RASL10B: variants seen among roughly 807,000 people sequenced by gnomAD.
The protein encoded by RASL10B is RAS like family 10 member B.
Under a neutral mutation model 20.7 loss-of-function variants are expected in RASL10B, and 10 were observed. The observed-to-expected ratio is 0.48, with a 90% CI of 0.30 to 0.82. RASL10B has a LOEUF of 0.82. Among genes scored for constraint, RASL10B ranks in the 40% least tolerant of loss-of-function variants. The probability of loss-of-function intolerance (pLI) is 0.07; values close to 1 mark genes in which losing one functional copy is unlikely to be tolerated. For missense variants in RASL10B, 231 were observed against 295.4 expected, an observed-to-expected ratio of 0.78 and a Z score of 1.60; for synonymous variants, 110 against 123.3, an observed-to-expected ratio of 0.89 and a Z score of 0.72.
At chr17:35,734,600 G>A (rs1196415854) in intron 1 of RASL10B, among the ~76,000 whole-genome samples, 1 of 152,156 alleles carries the variant, frequency 6.6e-6, no homozygotes, top group Non-Finnish European at 1.5e-5. Context: ...GTCCTGCAAT[G>A]TGTGGGCAGT....
In RASL10B at chr17:35,741,314, C is replaced by A. The variant is rs1555597934; in HGVS notation, c.*9C>A. 2 of 1,464,440 alleles carry A rather than the reference C, an allele frequency of 1.4e-6. No homozygotes were observed. The highest frequency in any genetic ancestry group is 2.7e-5 in the South Asian group (2 of 73,492). 90.7% of individuals were successfully genotyped at this position (1,464,440 alleles called of 1,614,324 possible). On this transcript the variant is annotated 3_prime_UTR_variant, in exon 4 of 4. Transcript: ENST00000603017. ...GCTGCGCCATCATGTGACGCCTGCG[C>A]GCCCCTCGGGCTGCACCGGCACTGG... is the stretch of plus-strand genomic sequence containing the variant.
At chr17:35,739,690 G>A (rs1191733636) in intron 2 of RASL10B, among the ~76,000 whole-genome samples, 1 of 152,240 alleles carries the variant, frequency 6.6e-6, no homozygotes, top group Non-Finnish European at 1.5e-5. Context: ...TCAGGTAGCA[G>A]TCTAAGGGCA....
rs373777540 is a variant in RASL10B at position 35,741,206 on chromosome 17, C to A, written c.513C>A (p.Ser171Arg). 1.7e-5 allele frequency: 27 copies of A among 1,612,794 alleles called. No homozygotes were observed. The highest frequency in any genetic ancestry group is 2.2e-5 in the Non-Finnish European group (26 of 1,179,924). Residue 171 changes from serine (S) to arginine (R), a missense_variant, in exon 4 of 4, where the codon AGC becomes AGA. By Grantham distance (110) the Ser-to-Arg change is moderately radical. Coordinates refer to ENST00000603017, the MANE Select transcript of RASL10B (RefSeq NM_033315.4). Reference sequence around the variant, plus strand: ...ACTGGCACATCCTGCTGCTCTTCAGCGAGCTGCTCAAGAGCGTCGGCTGCG... The same window carrying A: ...ACTGGCACATCCTGCTGCTCTTCAGAGAGCTGCTCAAGAGCGTCGGCTGCG... ...KYNWHILLLF[S>R]ELLKSVGCAR...
chr17:35,741,048 T>C lies in RASL10B; in HGVS notation c.355T>C (p.Ser119Pro), dbSNP rs1568093786. ...CTCGCCCCACAGGGTGATCGGAACC[T>C]CAGAGACGCCCATCATCATCGTGGG... ...QILETRVIGT[S>P]ETPIIIVGNK... Residue 119 changes from serine to proline, a missense_variant, in exon 4 of 4, where the codon TCA becomes CCA. Physicochemically the swap from Ser to Pro is moderately conservative, Grantham distance 74. Coordinates refer to ENST00000603017, the MANE Select transcript of RASL10B (RefSeq NM_033315.4). 2 of 1,604,742 alleles carry C rather than the reference T, an allele frequency of 1.2e-6. No individual in the cohort carries two copies. The highest frequency in any genetic ancestry group is 1.7e-5 in the Admixed American group (1 of 59,760).
chr17:35,735,062 C>A lies in RASL10B; in HGVS notation c.-123C>A. On this transcript the variant is annotated 5_prime_UTR_variant, in exon 2 of 4. Transcript: ENST00000603017. The surrounding 1 kb of genome is among the most constrained non-coding windows in gnomAD (Gnocchi z 6.7). ...GTCCAGGTGGAGGCCGCAGAGGGCC[C>A]AGGGCAAGCAGAGGCAGCAATGGTT... 1 of 1,012,288 alleles carries A rather than the reference C, an allele frequency of 9.9e-7. No individual in the cohort carries two copies. The highest frequency in any genetic ancestry group is 1.5e-6 in the Non-Finnish European group (1 of 667,560). The allele number at this position is 1,012,288 out of a possible 1,614,324, so 62.7% of individuals were successfully genotyped here.
chr17:35,740,282 T>G, intron 2 of RASL10B, 127 bp from the exon 3 acceptor site: 3 of 1,205,630 alleles, frequency 2.5e-6, no homozygotes, highest in Non-Finnish European at 2.3e-6. Context: ...CTCCTGGGGA[T>G]GGTCGGGTAT....
chr17:35,738,632 T>C (rs2085609798), intron 2 of RASL10B, among the ~76,000 whole-genome samples: 1 of 152,184 alleles, frequency 6.6e-6, no homozygotes, highest in Non-Finnish European at 1.5e-5. Context: ...TTCTCTGTCT[T>C]GACAGAGCCC....
chr17:35,736,180 T>G (rs2143019678), intron 2 of RASL10B, among the ~76,000 whole-genome samples: 1 of 152,286 alleles, frequency 6.6e-6, no homozygotes, highest in East Asian at 1.9e-4. Context: ...CCTCTTGCCC[T>G]CTCTCAACCT....
In RASL10B at chr17:35,741,587, A is replaced by T. The variant is rs1414404090; in HGVS notation, c.*282A>T. 2 of 399,092 alleles carry T rather than the reference A, an allele frequency of 5.0e-6. No individual in the cohort carries two copies. The highest frequency in any genetic ancestry group is 4.3e-6 in the Non-Finnish European group (1 of 230,322). The allele number at this position is 399,092 out of a possible 1,614,324, so 24.7% of individuals were successfully genotyped here. ...CGCGGGGGTGCCACAGCCTTTTGGG[A>T]TGGGGGTGAGCGTGCAATGGAGGCT... On this transcript the variant is annotated 3_prime_UTR_variant, in exon 4 of 4. Coordinates refer to ENST00000603017, the MANE Select transcript of RASL10B (RefSeq NM_033315.4).
chr17:35,740,989 G>A, intron 3 of RASL10B, 46 bp from the exon 4 acceptor site: 1 of 1,503,370 alleles, frequency 6.7e-7, no homozygotes, highest in Non-Finnish European at 9.1e-7. Context: ...GGAGTACAGC[G>A]GTTGTGGGGC....
chr17:35,740,005 G>A (rs151030189), intron 2 of RASL10B, among the ~76,000 whole-genome samples: 3 of 152,296 alleles, frequency 2.0e-5, no homozygotes, highest in African/African-American at 7.2e-5. Flanking sequence ...TCTTGGAGGT[G>A]GTGGCACTTT....
chr17:35,739,535 G>C (rs1017357869), intron 2 of RASL10B, among the ~76,000 whole-genome samples: 1 of 152,188 alleles, frequency 6.6e-6, no homozygotes, highest in African/African-American at 2.4e-5. Context: ...CCAATCCCTT[G>C]AGAAGTTGCC....
intron 1 of RASL10B, among the ~76,000 whole-genome samples, chr17:35,733,966 C>A (rs587755126): frequency 6.6e-6 from 1 of 152,322 alleles, no homozygotes; most frequent in Admixed American, 6.5e-5. Context: ...GAGAATCAGA[C>A]CCAGACCTTG....
rs1336192079 is a variant in RASL10B, at chr17:35,743,262, T to TG, written c.*1964dup. 5.2e-5 allele frequency: 8 copies of TG among 152,694 alleles called. No homozygotes were observed. Among genetic ancestry groups the TG allele is most frequent in the Admixed American group, 6.5e-5 (1 of 15,294 alleles). The allele number at this position is 152,694 out of a possible 1,614,324, so 9.5% of individuals were successfully genotyped here. A position where few individuals can be genotyped will look rare whatever the true frequency, so the allele number is the denominator to read the frequency against. ...ATCACCAACTCTGAGGCACCTGGGG[T>TG]GGGGGGGCGGAGCCCAGGCCTCTGG... On this transcript the variant is annotated 3_prime_UTR_variant, in exon 4 of 4. Coordinates refer to ENST00000603017, the MANE Select transcript of RASL10B (RefSeq NM_033315.4).
In RASL10B at chr17:35,741,282, C is replaced by T; in HGVS notation, c.589C>T (p.Arg197Cys). The change falls in exon 4 of 4, where the codon CGC becomes TGC. Residue 197 changes from arginine (R) to cysteine (C), a missense_variant. Coordinates refer to ENST00000603017, the MANE Select transcript of RASL10B (RefSeq NM_033315.4). The stretch of plus-strand genomic sequence containing the variant: ...CCTGCGCTTCCAGGGCGCGCTGCGC[C>T]GCAACCGCTGCGCCATCATGTGACG... ...AALRFQGALR[R>C]NRCAIM 2 of 1,525,262 alleles carry T rather than the reference C, an allele frequency of 1.3e-6. No homozygotes were observed. The highest frequency in any genetic ancestry group is 1.8e-6 in the Non-Finnish European group (2 of 1,133,544). The allele number at this position is 1,525,262 out of a possible 1,614,324, so 94.5% of individuals were successfully genotyped here.
Position 35,741,472 on chromosome 17 carries a change from TC to T in RASL10B, c.*169del. On this transcript the variant is annotated 3_prime_UTR_variant, in exon 4 of 4. Coordinates refer to ENST00000603017, the MANE Select transcript of RASL10B (RefSeq NM_033315.4). ...AGAAGCAGAGCGCGAGAGGGAGCCC[TC>T]CGTAACTGCCCAGCCCTGCCCCTTG... is the stretch of plus-strand genomic sequence containing the variant. 1 of 1,064,198 alleles carries T rather than the reference TC, an allele frequency of 9.4e-7. No homozygotes were observed. The allele number at this position is 1,064,198 out of a possible 1,614,324, so 65.9% of individuals were successfully genotyped here. A position where few individuals can be genotyped will look rare whatever the true frequency, so the allele number is the denominator to read the frequency against.
Position 35,741,311 on chromosome 17 carries a change from G to A in RASL10B, c.*6G>A, listed in dbSNP as rs587752594. The stretch of plus-strand genomic sequence containing the variant: ...ACCGCTGCGCCATCATGTGACGCCT[G>A]CGCGCCCCTCGGGCTGCACCGGCAC... On this transcript the variant is annotated 3_prime_UTR_variant, in exon 4 of 4. Transcript: ENST00000603017. 6.8e-7 allele frequency: 1 copy of A among 1,471,636 alleles called. No homozygotes were observed. The highest frequency in any genetic ancestry group is 2.7e-5 in the East Asian group (1 of 37,580). 91.2% of individuals were successfully genotyped at this position (1,471,636 alleles called of 1,614,324 possible).
chr17:35,732,451 G>A (rs1285906104), intron 1 of RASL10B, among the ~76,000 whole-genome samples: 1 of 152,226 alleles, frequency 6.6e-6, no homozygotes, highest in Admixed American at 6.5e-5. Context: ...TCCTGGGACA[G>A]CCCCCTCCCT....
chr17:35,738,364 A>G (rs1370188051), intron 2 of RASL10B, among the ~76,000 whole-genome samples: 2 of 152,166 alleles, frequency 1.3e-5, no homozygotes, highest in Non-Finnish European at 2.9e-5. Flanking sequence ...AAGATTAAGT[A>G]TAAAACCTAA....
Sources: gnomAD v4.1 joint callset for allele counts (sites outside exome capture counted in the v4.1 genomes callset) on GRCh38, gnomAD v4.1.1 for gene constraint, Gnocchi (gnomAD v3.1) non-coding constraint, MANE v1.5 for transcripts, NCBI Gene and HGNC (gene_info 2026-07-23, HGNC 2026-07-21) for gene names.